Variants in DOCK1 observed in about 807,000 individuals in gnomAD.
DOCK1 encodes the protein dedicator of cytokinesis 1.
A neutral mutation model predicts 262.7 loss-of-function variants in DOCK1; 138 were observed. That is an observed-to-expected ratio of 0.53 (90% confidence interval 0.46 to 0.61). DOCK1 has a LOEUF of 0.61. Among genes scored for constraint, DOCK1 ranks in the 20% least tolerant of loss-of-function variants. DOCK1 has a pLI of 0.00. For missense variants in DOCK1, 1,908 were observed against 2,370.7 expected (o/e 0.80, Z 4.05); for synonymous variants, 866 against 867.4 (o/e 1.00, Z 0.03).
At chr10:127,432,869 T>C (rs2069395234) in intron 47 of DOCK1, among the ~76,000 whole-genome samples, 1 of 152,216 alleles carries the variant, frequency 6.6e-6, no homozygotes, top group Non-Finnish European at 1.5e-5. Context: ...TCATGCATTT[T>C]GATGGCCCGT....
chr10:126,969,339 C>A (rs938821454), intron 1 of DOCK1, among the ~76,000 whole-genome samples: 3 of 152,180 alleles, frequency 2.0e-5, no homozygotes, highest in Non-Finnish European at 4.4e-5. Flanking sequence ...CACCAGGAGG[C>A]TGCGTGCGCC....
chr10:127,319,084 A>G (rs2062408486), intron 29 of DOCK1, among the ~76,000 whole-genome samples: 1 of 152,204 alleles, frequency 6.6e-6, no homozygotes, highest in Non-Finnish European at 1.5e-5. Context: ...TGCCTTCCCC[A>G]AGGACAACAA....
chr10:127,083,870 G>GTA (rs1436545114), intron 23 of DOCK1, among the ~76,000 whole-genome samples: 5 of 152,194 alleles, frequency 3.3e-5, no homozygotes, highest in Non-Finnish European at 7.3e-5. Flanking sequence ...TTGCTTTAAC[G>GTA]TAGGGTTAGG....
intron 32 of DOCK1, among the ~76,000 whole-genome samples, chr10:127,358,635 G>T (rs1224797016): frequency 1.3e-5 from 2 of 152,176 alleles, no homozygotes; most frequent in Non-Finnish European, 2.9e-5. Context: ...TATTTTTCAT[G>T]CAGGGATTCC....
Position 127,263,800 on chromosome 10 carries a change from GGTT to G in DOCK1, c.3044+6375_3044+6377del, listed in dbSNP as rs529138439. ...CCATGGCTATCATAGAATTCTCCTTGGTTGTTAATGAGAATGTGACCACTTGCT... is the reference window on the plus strand; with the variant it reads ...CCATGGCTATCATAGAATTCTCCTTGGTTAATGAGAATGTGACCACTTGCT... On this transcript the variant is annotated intron_variant, in intron 29 of 51. Transcript: ENST00000623213. 3.2e-3 allele frequency among the ~76,000 whole-genome samples: 488 copies of G among 152,240 alleles called. 4 individuals carry two copies. The highest frequency in any genetic ancestry group is 8.4e-3 in the Admixed American group (129 of 15,298).
At chr10:127,315,627 A>G (rs1400504368) in intron 29 of DOCK1, among the ~76,000 whole-genome samples, 5 of 152,144 alleles carry the variant, frequency 3.3e-5, no homozygotes, top group Admixed American at 6.5e-5. Flanking sequence ...CAACGAACTA[A>G]TACGGAGTCC....
chr10:127,451,347 C>T lies in DOCK1; in HGVS notation c.5581C>T (p.Leu1861=). The T allele has an allele frequency of 6.3e-7, 1 of 1,598,660 alleles. No homozygotes were observed. The highest frequency in any genetic ancestry group is 2.3e-5 in the East Asian group (1 of 44,026). Residue 1861 remains leucine (L), a synonymous_variant, in exon 52 of 52, where the codon CTG becomes TTG. Coordinates refer to ENST00000623213, the MANE Select transcript of DOCK1 (RefSeq NM_001290223.2). The part of the protein sequence containing the change: ...PPHQRHLPPP[L]PSKTPPPPPP... ...TGTTTTTTAGCATCTGCCACCTCCA[C>T]TGCCCAGCAAAACTCCGCCTCCTCC... is the stretch of plus-strand genomic sequence containing the variant.
At chr10:127,219,460 T>G (rs556373827) in intron 27 of DOCK1, among the ~76,000 whole-genome samples, 1 of 152,302 alleles carries the variant, frequency 6.6e-6, no homozygotes, top group South Asian at 2.1e-4. Context: ...TGATTTTTTC[T>G]TCTCAAAAAT....
intron 1 of DOCK1, among the ~76,000 whole-genome samples, chr10:126,954,283 A>G (rs2036558649): frequency 6.6e-6 from 1 of 152,242 alleles, no homozygotes; most frequent in African/African-American, 2.4e-5. Flanking sequence ...TGAGTCCTGG[A>G]AAGAGAGGCC....
At chr10:126,972,064 G>A (rs371473747) in intron 2 of DOCK1, among the ~76,000 whole-genome samples, 110 of 152,108 alleles carry the variant, frequency 7.2e-4, no homozygotes, top group African/African-American at 1.7e-3. Flanking sequence ...TTACAGGCAT[G>A]TGTCACTGTA....
intron 29 of DOCK1, among the ~76,000 whole-genome samples, chr10:127,287,984 A>G (rs1452197349): frequency 2.0e-5 from 3 of 152,194 alleles, no homozygotes; most frequent in Non-Finnish European, 4.4e-5. Context: ...AACTTTTTTC[A>G]TAAAATAGAT....
At position 127,000,185 on chromosome 10, in the gene DOCK1, A is replaced by G. The variant is rs2040486656; in HGVS notation, c.863A>G (p.Lys288Arg). 6.8e-6 allele frequency: 11 copies of G among 1,613,958 alleles called. No individual in the cohort carries two copies. In the Middle Eastern group the frequency reaches 1.8e-3, roughly 266 times the overall value. The change falls in exon 10 of 52, where the codon AAA becomes AGA. Residue 288 changes from lysine to arginine, a missense_variant. Around this residue, in one of 9 missense-constraint regions of DOCK1, gnomAD observed 102 missense variants for 154.9 expected, o/e 0.66. Transcript: ENST00000623213. Reference sequence around the variant, plus strand: ...TAATATTTCTAGGACCTCGGAAGCAAAGACCTGAAAAGGGAGAAAATCAGT... The same window carrying G: ...TAATATTTCTAGGACCTCGGAAGCAGAGACCTGAAAAGGGAGAAAATCAGT... ...LRAVFTDLGS[K>R]DLKREKISFV...
intron 23 of DOCK1, among the ~76,000 whole-genome samples, chr10:127,085,089 C>G (rs1041141197): frequency 1.3e-5 from 2 of 152,104 alleles, no homozygotes; most frequent in Non-Finnish European, 2.9e-5. Context: ...AATGGAGAAG[C>G]CTTGGGCCTG....
At chr10:127,414,612 T>A (rs56408525) in intron 43 of DOCK1, among the ~76,000 whole-genome samples, 1 of 152,146 alleles carries the variant, frequency 6.6e-6, no homozygotes, top group Admixed American at 6.5e-5. Context: ...TGGTTTTTCC[T>A]CCTGCTCTTT....
At chr10:127,118,254 C>G (rs868352130) in intron 25 of DOCK1, among the ~76,000 whole-genome samples, 1 of 20,068 alleles carries the variant, frequency 5.0e-5, no homozygotes, top group African/African-American at 5.9e-5. Context: ...TGATGTACCC[C>G]CTTCCACCTA....
chr10:127,433,524 G>A, intron 48 of DOCK1, 96 bp downstream of exon 48: 1 of 1,433,052 alleles, frequency 7.0e-7, no homozygotes, highest in South Asian at 1.5e-5. Flanking sequence ...TCTTACAACT[G>A]AGGATTTTGT....
chr10:127,142,649 C>T (rs1034370931), intron 27 of DOCK1, among the ~76,000 whole-genome samples: 1 of 152,104 alleles, frequency 6.6e-6, no homozygotes, highest in African/African-American at 2.4e-5. Context: ...GGGATATTGA[C>T]AAGACACGAA....
intron 27 of DOCK1, among the ~76,000 whole-genome samples, chr10:127,241,524 CT>C (rs1415237922): frequency 6.6e-6 from 1 of 152,116 alleles, no homozygotes; most frequent in East Asian, 1.9e-4. Context: ...GGCGCATGGG[CT>C]TTCCTGCATG....
intron 27 of DOCK1, among the ~76,000 whole-genome samples, chr10:127,230,257 C>T (rs1328522272): frequency 6.6e-6 from 1 of 152,104 alleles, no homozygotes; most frequent in African/African-American, 2.4e-5. Flanking sequence ...TGTACAAGAG[C>T]TTTCTAGTTT....
Sources: gnomAD v4.1 joint callset for allele counts (sites outside exome capture counted in the v4.1 genomes callset) on GRCh38, gnomAD v4.1.1 for gene constraint, gnomAD v4.1.1 regional missense constraint, MANE v1.5 for transcripts, NCBI Gene and HGNC (gene_info 2026-07-23, HGNC 2026-07-21) for gene names.